Variants in GRID2 observed in about 807,000 individuals in gnomAD.
GRID2 encodes the protein glutamate ionotropic receptor delta type subunit 2.
GRID2 carries 33 observed loss-of-function variants against 114.8 expected under a neutral mutation model. The ratio of observed to expected loss-of-function variants is 0.29; its 90% CI spans 0.22 to 0.38. The LOEUF is 0.38. GRID2 is among the 10% of genes least tolerant of loss of function. The probability of loss-of-function intolerance (pLI) is 1.00; values close to 1 mark genes in which losing one functional copy is unlikely to be tolerated. For missense variants in GRID2, 1,184 were observed against 1,257.7 expected (o/e 0.94, Z 0.89); for synonymous variants, 505 against 449.9 (o/e 1.12, Z -1.55).
At chr4:93,389,039 G>C (rs1169145531) in intron 8 of GRID2, among the ~76,000 whole-genome samples, 1 of 152,176 alleles carries the variant, frequency 6.6e-6, no homozygotes, top group Non-Finnish European at 1.5e-5. Context: ...AATTGCAATA[G>C]AGATGCTTTA....
intron 2 of GRID2, among the ~76,000 whole-genome samples, chr4:92,907,284 C>T (rs559395849): frequency 6.6e-6 from 1 of 152,292 alleles, no homozygotes; most frequent in East Asian, 1.9e-4. Flanking sequence ...ATTGTCTCAT[C>T]TGTCCTGCAC....
At chr4:93,151,068 A>T (rs1427475828) in intron 4 of GRID2, among the ~76,000 whole-genome samples, 1 of 149,026 alleles carries the variant, frequency 6.7e-6, no homozygotes, top group East Asian at 2.0e-4. Flanking sequence ...AGGTTACAGT[A>T]AGCCAAGATT....
chr4:92,759,287 T>C (rs1214514961), intron 2 of GRID2, among the ~76,000 whole-genome samples: 1 of 152,202 alleles, frequency 6.6e-6, no homozygotes, highest in Non-Finnish European at 1.5e-5. Context: ...TTTGACAATA[T>C]CAACATAAAC....
At chr4:93,659,674 G>T (rs1000498595) in intron 14 of GRID2, among the ~76,000 whole-genome samples, 6 of 152,126 alleles carry the variant, frequency 3.9e-5, no homozygotes, top group African/African-American at 1.4e-4. Context: ...AGGAAGAAGA[G>T]ATATAATGAA....
intron 2 of GRID2, among the ~76,000 whole-genome samples, chr4:92,950,395 T>C (rs1751941699): frequency 6.6e-6 from 1 of 152,190 alleles, no homozygotes; most frequent in African/African-American, 2.4e-5. Context: ...TGTACTATGG[T>C]AATAAATTAA....
At position 92,586,743 on chromosome 4, in the gene GRID2, T is replaced by C. The variant is rs547444051; in HGVS notation, c.89-3388T>C. ...CTAAATTTGGTATTTTTTTCATATA[T>C]ATGCTAATTGGTCCATTAGTCCGTG... On this transcript the variant is annotated intron_variant, in intron 1 of 15. Coordinates refer to ENST00000282020, the MANE Select transcript of GRID2 (RefSeq NM_001510.4). 1.2e-4 allele frequency among the ~76,000 whole-genome samples: 19 copies of C among 152,108 alleles called. No individual in the cohort carries two copies. In the East Asian group the frequency reaches 3.7e-3, roughly 29 times the overall value.
chr4:92,878,111 A>G (rs1423354196), intron 2 of GRID2, among the ~76,000 whole-genome samples: 2 of 152,184 alleles, frequency 1.3e-5, no homozygotes, highest in Non-Finnish European at 2.9e-5. Context: ...AAATTCTTCT[A>G]CAGAGAAGAG....
At chr4:93,112,083 A>G (rs1732821379) in intron 4 of GRID2, 1 of 152,130 alleles carries the variant, frequency 6.6e-6, no homozygotes, top group Non-Finnish European at 1.5e-5. Flanking sequence ...TCCAATTTTA[A>G]AGAAGTTGGG....
At chr4:93,035,933 A>T (rs1339892839) in intron 2 of GRID2, among the ~76,000 whole-genome samples, 4 of 152,150 alleles carry the variant, frequency 2.6e-5, no homozygotes, top group Non-Finnish European at 4.4e-5. Context: ...TGACAGCCTG[A>T]ATACTAGGAG....
At chr4:92,715,541 A>T (rs905106467) in intron 2 of GRID2, among the ~76,000 whole-genome samples, 1 of 152,222 alleles carries the variant, frequency 6.6e-6, no homozygotes, top group Non-Finnish European at 1.5e-5. Flanking sequence ...TGGGCAATTT[A>T]CAAAAAAAAA....
intron 1 of GRID2, among the ~76,000 whole-genome samples, chr4:92,354,258 A>C (rs886374472): frequency 3.9e-5 from 6 of 151,918 alleles, no homozygotes; most frequent in African/African-American, 1.4e-4. Context: ...TACTGTTTTT[A>C]AGTTGACTTT....
chr4:92,840,511 C>G (rs1433681289), intron 2 of GRID2, among the ~76,000 whole-genome samples: 2 of 151,890 alleles, frequency 1.3e-5, no homozygotes, highest in African/African-American at 4.8e-5. Flanking sequence ...CAATTATTCC[C>G]AAACTCCAGA....
At chr4:93,324,300 G>A (rs1398599529) in intron 8 of GRID2, among the ~76,000 whole-genome samples, 1 of 152,138 alleles carries the variant, frequency 6.6e-6, no homozygotes, top group Non-Finnish European at 1.5e-5. Flanking sequence ...CATCTGTGGA[G>A]ATAATCATGT....
chr4:93,789,823 C>T (rs947975763), intron 1 of GRID2, among the ~76,000 whole-genome samples: 4 of 152,066 alleles, frequency 2.6e-5, no homozygotes, highest in Non-Finnish European at 5.9e-5. Flanking sequence ...AGCAGGAGTC[C>T]CCAATCCCCG....
At chr4:93,315,812 A>G (rs1321415270) in intron 8 of GRID2, among the ~76,000 whole-genome samples, 1 of 152,166 alleles carries the variant, frequency 6.6e-6, no homozygotes, top group Admixed American at 6.6e-5. Context: ...TAGTAACTTA[A>G]TTTCCTATTA....
intron 2 of GRID2, among the ~76,000 whole-genome samples, chr4:93,006,319 G>C (rs567186051): frequency 6.6e-6 from 1 of 152,056 alleles, no homozygotes; most frequent in African/African-American, 2.4e-5. Flanking sequence ...CAGGAGGAGA[G>C]GGGGAGACCT....
chr4:92,818,139 G>C (rs1175187602), intron 2 of GRID2, among the ~76,000 whole-genome samples: 2 of 151,962 alleles, frequency 1.3e-5, no homozygotes, highest in Non-Finnish European at 2.9e-5. Context: ...CATTATCTCA[G>C]GTGTCACACT....
intron 2 of GRID2, among the ~76,000 whole-genome samples, chr4:92,772,389 C>T (rs1738584997): frequency 6.6e-6 from 1 of 152,006 alleles, no homozygotes; most frequent in Admixed American, 6.6e-5. Context: ...ATTTCCTGTG[C>T]CCTACTCTCT....
intron 1 of GRID2, among the ~76,000 whole-genome samples, chr4:92,398,496 G>C (rs915549055): frequency 1.3e-5 from 2 of 151,706 alleles, no homozygotes; most frequent in Non-Finnish European, 2.9e-5. Context: ...ACAAGTTTTT[G>C]CCATGTTGCC....
Sources: gnomAD v4.1 joint callset for allele counts (sites outside exome capture counted in the v4.1 genomes callset) on GRCh38, gnomAD v4.1.1 for gene constraint, MANE v1.5 for transcripts, NCBI Gene and HGNC (gene_info 2026-07-23, HGNC 2026-07-21) for gene names.